Variants in RIN3 observed in about 807,000 individuals in gnomAD.
The protein encoded by RIN3 is RAB5 interacting protein 3.
A neutral mutation model predicts 76.3 loss-of-function variants in RIN3; 54 were observed. The ratio of observed to expected loss-of-function variants is 0.71; its 90% CI spans 0.57 to 0.89. RIN3 has a LOEUF of 0.89. RIN3 is among the 40% of genes least tolerant of loss of function. RIN3 has a pLI of 0.00. For synonymous variants in RIN3, 576 were observed against 564.0 expected (o/e 1.02, Z -0.30); for missense variants, 1,256 against 1,322.1 (o/e 0.95, Z 0.78).
At chr14:92,558,887 C>CTT (rs61202055) in intron 2 of RIN3, among the ~76,000 whole-genome samples, 40,072 of 130,604 alleles carry the variant, frequency 0.31, 6,701 homozygotes, top group Middle Eastern at 0.42. Flanking sequence ...CTTTTCTTTT[C>CTT]TTTTTTTTTT....
chr14:92,612,336 C>A (rs927985430), intron 3 of RIN3, among the ~76,000 whole-genome samples: 55 of 152,210 alleles, frequency 3.6e-4, no homozygotes, highest in African/African-American at 1.3e-3. Context: ...CACCACCCAT[C>A]AGAACAAAGG....
In RIN3 at chr14:92,596,591, T is replaced by C. The variant is rs548557686; in HGVS notation, c.368-18816T>C. ...AGTTAATAATCAATCCTTTATACTCTTTGTGTGGTTGTATCTTATCCGTTC... is the reference window on the plus strand; with the variant it reads ...AGTTAATAATCAATCCTTTATACTCCTTGTGTGGTTGTATCTTATCCGTTC... On this transcript the variant is annotated intron_variant, in intron 3 of 9. Coordinates refer to ENST00000216487, the MANE Select transcript of RIN3 (RefSeq NM_024832.5). Among the ~76,000 whole-genome samples the C allele has an allele frequency of 8.2e-4, 125 of 152,356 alleles. 2 individuals carry two copies. In the South Asian group the frequency reaches 0.026, roughly 31 times the overall value.
rs2140112172 is a variant in RIN3 at position 92,623,577 on chromosome 14, CT to C, written c.440+8100del. Among the ~76,000 whole-genome samples the C allele has an allele frequency of 6.6e-6, 1 of 152,282 alleles. No homozygotes were observed. The highest frequency in any genetic ancestry group is 2.4e-5 in the African/African-American group (1 of 41,548). ...ACATAGACATGAGAGTCGAAAGATC[CT>C]TGAGGGGCCTCTCTTGTTTTACGGC... On this transcript the variant is annotated intron_variant, in intron 4 of 9. Coordinates refer to ENST00000216487, the MANE Select transcript of RIN3 (RefSeq NM_024832.5). This position sits in a 1 kb window ranked among gnomAD's most constrained non-coding sequence, Gnocchi z 4.9.
At chr14:92,627,712 T>C (rs1595466318) in intron 4 of RIN3, among the ~76,000 whole-genome samples, 4 of 152,160 alleles carry the variant, frequency 2.6e-5, no homozygotes, top group South Asian at 4.1e-4. Flanking sequence ...TCTCTAGCCC[T>C]TGAGGCCACG....
intron 1 of RIN3, among the ~76,000 whole-genome samples, chr14:92,522,620 G>A (rs1896630071): frequency 6.6e-6 from 1 of 152,068 alleles, no homozygotes; most frequent in Non-Finnish European, 1.5e-5. Context: ...TTCTTTCCAA[G>A]TCCCCTCTGT....
rs958582656 is a variant in RIN3, at chr14:92,687,988, G to T, written c.2694G>T (p.Ala898=). 2.6e-6 allele frequency: 4 copies of T among 1,565,492 alleles called. No homozygotes were observed. The African/African-American group carries it at 4.1e-5, about 16-fold the overall frequency. The change falls in exon 10 of 10, where the codon GCG becomes GCT. Residue 898 remains alanine, a synonymous_variant. Coordinates refer to ENST00000216487, the MANE Select transcript of RIN3 (RefSeq NM_024832.5). ...AGGCGCGGACGCTGGCGTCGCGGGC[G>T]GACACCCAGGCCCAGGCGCTGTGCG... The part of the protein sequence containing the change: ...EQQARTLASR[A]DTQAQALCAQ...
intron 5 of RIN3, among the ~76,000 whole-genome samples, chr14:92,644,065 C>T (rs74074804): frequency 0.038 from 5,762 of 152,208 alleles, 381 homozygotes; most frequent in African/African-American, 0.13. Flanking sequence ...TCTCCTTTTC[C>T]CTGAAGAAAT....
At chr14:92,684,610 CAGTG>C (rs1823736046) in intron 8 of RIN3, among the ~76,000 whole-genome samples, 1 of 152,068 alleles carries the variant, frequency 6.6e-6, no homozygotes, top group Admixed American at 6.5e-5. Context: ...GATACACACA[CAGTG>C]AGAAGTCTCC....
chr14:92,555,371 A>G (rs1897547457), intron 1 of RIN3, among the ~76,000 whole-genome samples: 1 of 152,216 alleles, frequency 6.6e-6, no homozygotes, highest in South Asian at 2.1e-4. Flanking sequence ...CCCAAGAAAC[A>G]GTGAGATCAA....
chr14:92,677,466 C>T (rs1156775579), intron 8 of RIN3, among the ~76,000 whole-genome samples: 2 of 152,130 alleles, frequency 1.3e-5, no homozygotes, highest in Admixed American at 6.5e-5. Context: ...TGTATCTGTT[C>T]GCATTTTTTT....
chr14:92,665,029 T>C (rs532414384), intron 7 of RIN3, among the ~76,000 whole-genome samples: 2 of 152,338 alleles, frequency 1.3e-5, no homozygotes, highest in South Asian at 2.1e-4. Context: ...ATGATGGAAA[T>C]AGAATCTGAG....
intron 3 of RIN3, among the ~76,000 whole-genome samples, chr14:92,607,366 G>C (rs889628114): frequency 6.6e-6 from 1 of 152,248 alleles, no homozygotes; most frequent in African/African-American, 2.4e-5. Flanking sequence ...AGTAGAGGCT[G>C]GACATGGCAG....
intron 8 of RIN3, 25 bp downstream of exon 8, chr14:92,676,631 A>AG (rs1888475106): frequency 6.2e-7 from 1 of 1,609,778 alleles, no homozygotes; most frequent in East Asian, 2.2e-5. Context: ...CCTGCCCATC[A>AG]GGTGCATTGC....
intron 1 of RIN3, among the ~76,000 whole-genome samples, chr14:92,546,140 G>C (rs1314241491): frequency 6.6e-6 from 1 of 152,094 alleles, no homozygotes; most frequent in Non-Finnish European, 1.5e-5. Flanking sequence ...GGCCAGGCTG[G>C]TCTTGAACTC....
At chr14:92,676,767 C>A (rs775254994) in intron 8 of RIN3, among the ~76,000 whole-genome samples, 161 bp downstream of exon 8, 2 of 152,170 alleles carry the variant, frequency 1.3e-5, no homozygotes, top group African/African-American at 2.4e-5. Flanking sequence ...TCCTGTCCTG[C>A]AGGAGCTCAC....
chr14:92,634,978 T>A (rs1486333677), intron 4 of RIN3, among the ~76,000 whole-genome samples: 1 of 152,190 alleles, frequency 6.6e-6, no homozygotes, highest in African/African-American at 2.4e-5. Flanking sequence ...CCAGGCAGTC[T>A]GCAGAGTATA....
At chr14:92,547,063 ATATTTTATT>A (rs1897286670) in intron 1 of RIN3, among the ~76,000 whole-genome samples, 1 of 74,818 alleles carries the variant, frequency 1.3e-5, no homozygotes, top group African/African-American at 4.1e-5. Context: ...AAAATAAATT[ATATTTTATT>A]TTATATTATA....
At chr14:92,557,343 G>A (rs1050643351) in intron 2 of RIN3, among the ~76,000 whole-genome samples, 1 of 152,206 alleles carries the variant, frequency 6.6e-6, no homozygotes, top group African/African-American at 2.4e-5. Context: ...TCTGGACCCA[G>A]GCAGTCTGGG....
intron 3 of RIN3, among the ~76,000 whole-genome samples, chr14:92,583,960 A>G (rs1218966081): frequency 1.3e-5 from 2 of 152,220 alleles, no homozygotes; most frequent in African/African-American, 4.8e-5. Flanking sequence ...ATCTGGCAGG[A>G]GGCAGAGCTC....
Sources: allele counts gnomAD v4.1 joint callset (sites outside exome capture counted in the v4.1 genomes callset), GRCh38; gene constraint gnomAD v4.1.1; non-coding constraint Gnocchi (gnomAD v3.1); transcripts MANE v1.5; gene names NCBI Gene and HGNC (gene_info 2026-07-23, HGNC 2026-07-21).